Variants in SLIT3 observed in about 807,000 individuals in gnomAD.
SLIT3 encodes the protein slit guidance ligand 3.
Under a neutral mutation model 184.0 loss-of-function variants are expected in SLIT3, and 68 were observed. That is an observed-to-expected ratio of 0.37 (90% CI 0.30 to 0.45). The LOEUF (loss-of-function observed/expected upper bound fraction) is 0.45. Among genes scored for constraint, SLIT3 ranks in the 20% least tolerant of loss-of-function variants. The pLI is 1.00. For missense variants in SLIT3, 1,707 were observed against 2,026.0 expected, an observed-to-expected ratio of 0.84 and a Z score of 3.02; for synonymous variants, 831 against 828.6, an observed-to-expected ratio of 1.00 and a Z score of -0.05.
intron 4 of SLIT3, among the ~76,000 whole-genome samples, chr5:169,112,274 G>A (rs1049752690): frequency 3.3e-5 from 5 of 152,184 alleles, no homozygotes; most frequent in African/African-American, 4.8e-5. Context: ...TGATAACAGC[G>A]CTGACAGTGA....
At chr5:168,958,852 C>A (rs560601909) in intron 4 of SLIT3, among the ~76,000 whole-genome samples, 1 of 152,230 alleles carries the variant, frequency 6.6e-6, no homozygotes, top group Non-Finnish European at 1.5e-5. Flanking sequence ...TCTAACCTAA[C>A]CCCTTGGATC....
chr5:169,128,351 A>C (rs941907112), intron 4 of SLIT3, among the ~76,000 whole-genome samples: 2 of 151,302 alleles, frequency 1.3e-5, no homozygotes, highest in African/African-American at 4.8e-5. Context: ...CTAAGAAATC[A>C]CTTCGCTCTT....
chr5:168,945,552 G>A (rs1762448621), intron 4 of SLIT3, among the ~76,000 whole-genome samples: 1 of 152,188 alleles, frequency 6.6e-6, no homozygotes, highest in African/African-American at 2.4e-5. Flanking sequence ...CCGGTCTTAG[G>A]CAAGAGAGAT....
At chr5:168,752,904 C>A in intron 18 of SLIT3, 51 bp downstream of exon 18, 1 of 1,579,566 alleles carries the variant, frequency 6.3e-7, no homozygotes, top group Non-Finnish European at 8.7e-7. Flanking sequence ...GGAGAGAGCG[C>A]TGCAGAGTGG....
intron 4 of SLIT3, among the ~76,000 whole-genome samples, chr5:168,969,067 C>G (rs564551233): frequency 1.3e-5 from 2 of 152,080 alleles, no homozygotes; most frequent in South Asian, 2.1e-4. Context: ...GCAAGATACA[C>G]CAAACTTGAA....
At chr5:169,116,065 C>T (rs1760651715) in intron 4 of SLIT3, among the ~76,000 whole-genome samples, 1 of 152,186 alleles carries the variant, frequency 6.6e-6, no homozygotes. Context: ...AAGAGAGAGA[C>T]TCCCTGGGGC....
intron 4 of SLIT3, among the ~76,000 whole-genome samples, chr5:169,096,179 C>T (rs1314853333): frequency 6.6e-6 from 1 of 152,198 alleles, no homozygotes; most frequent in African/African-American, 2.4e-5. Flanking sequence ...GAAATTTTTC[C>T]ACATTACTCA....
At position 168,692,639 on chromosome 5, in the gene SLIT3, C is replaced by T. The variant is rs1355035426; in HGVS notation, c.3144G>A (p.Glu1048=). ...CVPELNLCQH[E]AKCIPLDKGF... ...CTTTGTCCAGGGGGATGCACTTGGC[C>T]TCATGCTGACAGAGGTTCAGCTCAG... is the stretch of plus-strand genomic sequence containing the variant. The change falls in exon 29 of 36, where the codon GAG becomes GAA. Residue 1048 remains glutamate, a synonymous_variant. Coordinates refer to ENST00000519560, the MANE Select transcript of SLIT3 (RefSeq NM_003062.4). 1.2e-6 allele frequency: 2 copies of T among 1,614,086 alleles called. No homozygotes were observed. Among genetic ancestry groups the T allele is most frequent in the Non-Finnish European group, 1.7e-6 (2 of 1,179,986 alleles).
intron 8 of SLIT3, among the ~76,000 whole-genome samples, chr5:168,814,250 A>T (rs1757256807): frequency 6.6e-6 from 1 of 152,174 alleles, no homozygotes; most frequent in South Asian, 2.1e-4. Context: ...ACAAAAAATT[A>T]GCTAGGCAGG....
chr5:169,192,126 T>C (rs571080058), intron 4 of SLIT3, among the ~76,000 whole-genome samples: 1 of 152,248 alleles, frequency 6.6e-6, no homozygotes, highest in Admixed American at 6.5e-5. Context: ...GCATAGTTTA[T>C]CCAGCTCTTC....
At chr5:169,107,380 G>A (rs1016776849) in intron 4 of SLIT3, among the ~76,000 whole-genome samples, 1 of 152,194 alleles carries the variant, frequency 6.6e-6, no homozygotes, top group Non-Finnish European at 1.5e-5. Context: ...AAGAGCTGTG[G>A]TCTGCATAGC....
intron 20 of SLIT3, among the ~76,000 whole-genome samples, chr5:168,741,421 A>G (rs753565469): frequency 7.0e-6 from 1 of 143,230 alleles, no homozygotes; most frequent in Non-Finnish European, 1.5e-5. Flanking sequence ...CAGTAAGCCG[A>G]GATCACACCA....
intron 4 of SLIT3, among the ~76,000 whole-genome samples, chr5:169,035,151 A>T (rs1221958337): frequency 6.6e-6 from 1 of 152,100 alleles, no homozygotes; most frequent in East Asian, 1.9e-4. Flanking sequence ...TGCCTTCTAG[A>T]ACTTCTAGGA....
At chr5:169,072,602 G>A (rs933833887) in intron 4 of SLIT3, among the ~76,000 whole-genome samples, 17 of 152,192 alleles carry the variant, frequency 1.1e-4, no homozygotes, top group Admixed American at 5.9e-4. Flanking sequence ...TAGCCTGCCT[G>A]AACACATTTT....
intron 4 of SLIT3, among the ~76,000 whole-genome samples, chr5:169,137,329 CACACACAGAGAG>C (rs1761549250): frequency 1.0e-5 from 1 of 97,938 alleles, no homozygotes; most frequent in Non-Finnish European, 2.3e-5. Context: ...CACACACACA[CACACACAGAGAG>C]AGAGAGAGAG....
At chr5:168,901,496 C>T (rs1760872894) in intron 4 of SLIT3, among the ~76,000 whole-genome samples, 1 of 152,202 alleles carries the variant, frequency 6.6e-6, no homozygotes, top group Non-Finnish European at 1.5e-5. Flanking sequence ...ACTTCCTTTG[C>T]TGACATGATC....
At chr5:168,861,597 G>A (rs1188264949) in intron 5 of SLIT3, among the ~76,000 whole-genome samples, 7 of 152,108 alleles carry the variant, frequency 4.6e-5, no homozygotes, top group African/African-American at 1.7e-4. Context: ...TCCAGAAAAG[G>A]GACTTGGCTT....
chr5:168,741,306 TA>T (rs1174623298), intron 20 of SLIT3, among the ~76,000 whole-genome samples: 33 of 151,272 alleles, frequency 2.2e-4, no homozygotes, highest in Non-Finnish European at 4.1e-4. Context: ...CCGTCTCTAC[TA>T]AAAAATACAA....
At chr5:169,014,541 A>T (rs1756289387) in intron 4 of SLIT3, among the ~76,000 whole-genome samples, 1 of 152,206 alleles carries the variant, frequency 6.6e-6, no homozygotes, top group Admixed American at 6.5e-5. Context: ...ACACAGACAC[A>T]CACACTTTCC....
Sources: gnomAD v4.1 joint callset for allele counts (sites outside exome capture counted in the v4.1 genomes callset) on GRCh38, gnomAD v4.1.1 for gene constraint, MANE v1.5 for transcripts, NCBI Gene and HGNC (gene_info 2026-07-23, HGNC 2026-07-21) for gene names.